Variants in EZH2 observed in about 807,000 individuals in gnomAD.
EZH2 encodes histone-lysine N-methyltransferase EZH2.
In EZH2, 18 loss-of-function variants were observed where a neutral mutation model predicts 98.4. That is an observed-to-expected ratio of 0.18 (90% CI 0.13 to 0.27). EZH2 has a LOEUF of 0.27. Ranked by LOEUF, EZH2 falls within the 10% of genes least tolerant of loss-of-function variation. The pLI is 1.00. For synonymous variants in EZH2, 338 were observed against 312.3 expected (o/e 1.08, Z -0.87); for missense variants, 470 against 935.1 (o/e 0.50, Z 6.49).
At chr7:148,865,916 C>T (rs1443995202) in intron 1 of EZH2, among the ~76,000 whole-genome samples, 1 of 152,074 alleles carries the variant, frequency 6.6e-6, no homozygotes, top group Non-Finnish European at 1.5e-5. Flanking sequence ...TATGCCACAG[C>T]CAGTTCTTTC....
At chr7:148,841,032 ACT>A (rs1316330468) in intron 3 of EZH2, among the ~76,000 whole-genome samples, 1 of 152,136 alleles carries the variant, frequency 6.6e-6, no homozygotes, top group Non-Finnish European at 1.5e-5. Context: ...ATGAAAAGCA[ACT>A]TCTGCTAGTT....
Position 148,825,339 on chromosome 7 carries a change from A to T in EZH2, c.907+1115T>A, listed in dbSNP as rs1372405933. On this transcript the variant is annotated intron_variant, in intron 8 of 19. Coordinates refer to ENST00000320356, the MANE Select transcript of EZH2 (RefSeq NM_004456.5). ...ATTTTTAAAACTACCAAATCAATTTAAACTAGATGAGGAGTTAGAACAAGA... is the reference window on the plus strand; with the variant it reads ...ATTTTTAAAACTACCAAATCAATTTTAACTAGATGAGGAGTTAGAACAAGA... Among the ~76,000 whole-genome samples the T allele has an allele frequency of 1.3e-5, 2 of 152,262 alleles. 1 individual carries two copies. Among genetic ancestry groups the T allele is most frequent in the Non-Finnish European group, 2.9e-5 (2 of 68,050 alleles).
At chr7:148,814,348 T>G (rs1000780498) in intron 14 of EZH2, among the ~76,000 whole-genome samples, 2 of 152,156 alleles carry the variant, frequency 1.3e-5, no homozygotes, top group African/African-American at 2.4e-5. Context: ...TGTTTTTCCA[T>G]TTTTCATTTG....
At chr7:148,880,239 A>G (rs1820771715) in intron 1 of EZH2, among the ~76,000 whole-genome samples, 3 of 152,232 alleles carry the variant, frequency 2.0e-5, no homozygotes, top group Non-Finnish European at 2.9e-5. Flanking sequence ...AGGTATCACT[A>G]AATTTGCTAA....
At chr7:148,821,021 A>C (rs2129472959) in intron 8 of EZH2, 1 of 152,336 alleles carries the variant, frequency 6.6e-6, no homozygotes, top group African/African-American at 2.4e-5. Context: ...AGACAGTTAC[A>C]GCTCTTTTAG....
chr7:148,808,635 A>G (rs1020625221), intron 19 of EZH2, among the ~76,000 whole-genome samples: 30 of 152,236 alleles, frequency 2.0e-4, no homozygotes, highest in Non-Finnish European at 2.9e-5. Flanking sequence ...GATATGTGTA[A>G]TAAGTATTAT....
intron 1 of EZH2, among the ~76,000 whole-genome samples, chr7:148,873,359 G>C (rs1400442849): frequency 6.6e-6 from 1 of 151,714 alleles, no homozygotes; most frequent in Non-Finnish European, 1.5e-5. Flanking sequence ...GGGCGTAGTG[G>C]CGTGTGCCTG....
intron 1 of EZH2, among the ~76,000 whole-genome samples, chr7:148,866,760 G>A (rs1474748636): frequency 6.7e-6 from 1 of 148,784 alleles, no homozygotes; most frequent in Non-Finnish European, 1.5e-5. Flanking sequence ...TGTTGCCTGG[G>A]CTAGAGGGCA....
chr7:148,878,059 T>C (rs1242666099), intron 1 of EZH2, among the ~76,000 whole-genome samples: 5 of 152,238 alleles, frequency 3.3e-5, no homozygotes, highest in Admixed American at 6.5e-5. Context: ...TTATTAAATT[T>C]TGTATTCTGG....
intron 1 of EZH2, among the ~76,000 whole-genome samples, chr7:148,859,954 T>G (rs1468012318): frequency 6.6e-6 from 1 of 152,196 alleles, no homozygotes; most frequent in Non-Finnish European, 1.5e-5. Flanking sequence ...TAACACCATT[T>G]TATAAAACAT....
At chr7:148,869,620 G>A (rs1238503878) in intron 1 of EZH2, among the ~76,000 whole-genome samples, 1 of 152,170 alleles carries the variant, frequency 6.6e-6, no homozygotes, top group Non-Finnish European at 1.5e-5. Context: ...TTACTGGCGT[G>A]AGCCAATGCA....
intron 3 of EZH2, among the ~76,000 whole-genome samples, chr7:148,846,209 CTTTT>C (rs537327194): frequency 1.3e-5 from 2 of 148,524 alleles, no homozygotes; most frequent in Non-Finnish European, 3.0e-5. Flanking sequence ...GATTTAAAAG[CTTTT>C]TTTTTTAAAT....
chr7:148,883,699 TTGTC>T (rs1821369756), intron 1 of EZH2, among the ~76,000 whole-genome samples: 1 of 151,408 alleles, frequency 6.6e-6, no homozygotes, highest in African/African-American at 2.4e-5. Flanking sequence ...AGTCCGTCCT[TTGTC>T]TGAGTGCGGA....
intron 8 of EZH2, among the ~76,000 whole-genome samples, chr7:148,823,489 G>T (rs530968630): frequency 1.3e-5 from 2 of 151,440 alleles, no homozygotes; most frequent in East Asian, 1.9e-4. Flanking sequence ...TAAATAAGAC[G>T]GTCAGAAAAA....
At chr7:148,825,251 G>A (rs1219417051) in intron 8 of EZH2, among the ~76,000 whole-genome samples, 1 of 152,092 alleles carries the variant, frequency 6.6e-6, no homozygotes, top group Non-Finnish European at 1.5e-5. Flanking sequence ...TGAAATTCAA[G>A]ACAACTATTT....
chr7:148,827,295 A>T (rs753728637), intron 6 of EZH2, 29 bp from the exon 7 acceptor site: 1 of 1,539,236 alleles, frequency 6.5e-7, no homozygotes, highest in Non-Finnish European at 8.9e-7. Context: ...AAGGAAAAAA[A>T]GAATGGAAGT....
intron 14 of EZH2, among the ~76,000 whole-genome samples, chr7:148,814,428 A>G (rs992163135): frequency 1.3e-5 from 2 of 152,174 alleles, no homozygotes; most frequent in African/African-American, 4.8e-5. Context: ...ATGGTCCTTG[A>G]CCATTCCAAT....
At chr7:148,873,998 T>C (rs1327325987) in intron 1 of EZH2, among the ~76,000 whole-genome samples, 1 of 152,124 alleles carries the variant, frequency 6.6e-6, no homozygotes, top group Non-Finnish European at 1.5e-5. Flanking sequence ...AAGGAAGATA[T>C]TCCAGAAAGA....
intron 3 of EZH2, among the ~76,000 whole-genome samples, chr7:148,833,314 A>G (rs374616532): frequency 0.021 from 3,258 of 151,690 alleles, 115 homozygotes; most frequent in African/African-American, 0.075. Context: ...AAAATTAGCC[A>G]GGCATGGTGG....
Sources: allele counts gnomAD v4.1 joint callset (sites outside exome capture counted in the v4.1 genomes callset), GRCh38; gene constraint gnomAD v4.1.1; transcripts MANE v1.5; gene names NCBI Gene and HGNC (gene_info 2026-07-23, HGNC 2026-07-21).